SGCZ: variants seen among roughly 807,000 people sequenced by gnomAD.
SGCZ encodes sarcoglycan zeta.
A neutral mutation model predicts 41.3 loss-of-function variants in SGCZ; 40 were observed. The ratio of observed to expected loss-of-function variants is 0.97; its 90% CI spans 0.75 to 1.26. The LOEUF is 1.26. Among genes scored for constraint, SGCZ ranks in the 50% most tolerant of loss-of-function variants. SGCZ has a pLI of 0.00. For missense variants in SGCZ, 552 were observed against 369.8 expected (o/e 1.49, Z -4.04); for synonymous variants, 206 against 137.5 (o/e 1.50, Z -3.49).
At chr8:14,939,452 C>G (rs186235239) in intron 1 of SGCZ, among the ~76,000 whole-genome samples, 1 of 152,098 alleles carries the variant, frequency 6.6e-6, no homozygotes, top group Non-Finnish European at 1.5e-5. Context: ...TACTAAAACA[C>G]ACTCCCCAAA....
At chr8:14,290,202 G>C (rs1262022064) in intron 3 of SGCZ, among the ~76,000 whole-genome samples, 1 of 152,004 alleles carries the variant, frequency 6.6e-6, no homozygotes, top group Non-Finnish European at 1.5e-5. Context: ...ATGGATAAAA[G>C]CCTTAAACGT....
At chr8:14,457,452 G>C (rs1425011670) in intron 2 of SGCZ, among the ~76,000 whole-genome samples, 1 of 152,174 alleles carries the variant, frequency 6.6e-6, no homozygotes, top group Non-Finnish European at 1.5e-5. Context: ...CCCTTTCCCT[G>C]GGGGAGTTTA....
At chr8:14,764,355 G>C (rs1335740483) in intron 1 of SGCZ, among the ~76,000 whole-genome samples, 1 of 152,138 alleles carries the variant, frequency 6.6e-6, no homozygotes, top group East Asian at 1.9e-4. Context: ...CTTCTGAATT[G>C]CAAAAGGCAA....
intron 1 of SGCZ, among the ~76,000 whole-genome samples, chr8:14,891,495 G>C (rs1056462459): frequency 6.6e-6 from 1 of 152,102 alleles, no homozygotes; most frequent in South Asian, 2.1e-4. Context: ...TAAAACATTA[G>C]GATAATGAGT....
rs556319683 is a variant in SGCZ, at chr8:14,922,027, T to A, written c.39+315558A>T. 2.1e-3 allele frequency among the ~76,000 whole-genome samples: 320 copies of A among 152,248 alleles called. 4 individuals carry two copies. The highest frequency in any genetic ancestry group is 1.6e-3 in the Non-Finnish European group (111 of 68,012). ...CACTTTTTATTTATGTGAATACCCT[T>A]GATTTTATTTTCCTTACCATCAAAT... On this transcript the variant is annotated intron_variant, in intron 1 of 7. Coordinates refer to ENST00000382080, the MANE Select transcript of SGCZ (RefSeq NM_139167.4).
Position 14,287,515 on chromosome 8 carries a change from C to G in SGCZ, c.336+36588G>C, listed in dbSNP as rs184729262. Among the ~76,000 whole-genome samples, 594 of 152,082 alleles carry G rather than the reference C, an allele frequency of 3.9e-3. 4 individuals carry two copies. The highest frequency in any genetic ancestry group is 6.9e-3 in the Non-Finnish European group (468 of 67,942). ...TTAATGAGTTTGGTCTCTAACTCAG[C>G]AAACCTATTTCAAGATGTCTTTACT... On this transcript the variant is annotated intron_variant, in intron 3 of 7. Coordinates refer to ENST00000382080, the MANE Select transcript of SGCZ (RefSeq NM_139167.4).
intron 1 of SGCZ, among the ~76,000 whole-genome samples, chr8:14,860,808 A>G (rs936743516): frequency 6.6e-6 from 1 of 152,174 alleles, no homozygotes; most frequent in African/African-American, 2.4e-5. Context: ...ATGGGCTGTG[A>G]CCAACATAGT....
At chr8:15,024,162 A>G (rs1803361279) in intron 1 of SGCZ, among the ~76,000 whole-genome samples, 1 of 152,224 alleles carries the variant, frequency 6.6e-6, no homozygotes, top group Non-Finnish European at 1.5e-5. Flanking sequence ...AATGATTTCA[A>G]CTATGGACTT....
At chr8:14,182,685 A>C (rs1283877276) in intron 4 of SGCZ, among the ~76,000 whole-genome samples, 1 of 152,210 alleles carries the variant, frequency 6.6e-6, no homozygotes, top group Non-Finnish European at 1.5e-5. Context: ...ATCAGTGATG[A>C]CAAAAGTAGA....
intron 2 of SGCZ, among the ~76,000 whole-genome samples, chr8:14,329,627 G>A (rs951941152): frequency 2.6e-5 from 4 of 151,970 alleles, no homozygotes; most frequent in Admixed American, 1.3e-4. Flanking sequence ...TAGCCTCTGG[G>A]TATAGATCTG....
At chr8:14,294,800 TA>T (rs1800957079) in intron 3 of SGCZ, among the ~76,000 whole-genome samples, 2 of 152,024 alleles carry the variant, frequency 1.3e-5, no homozygotes, top group African/African-American at 2.4e-5. Flanking sequence ...AGATGTCACA[TA>T]AACATATGAA....
rs1468135047 is a variant in SGCZ at position 14,246,408 on chromosome 8, G to C, written c.337-8729C>G. Among the ~76,000 whole-genome samples the C allele has an allele frequency of 4.0e-5, 6 of 151,612 alleles. 1 individual carries two copies. The highest frequency in any genetic ancestry group is 2.0e-4 in the Admixed American group (3 of 15,210). On this transcript the variant is annotated intron_variant, in intron 3 of 7. Transcript: ENST00000382080. The stretch of plus-strand genomic sequence containing the variant: ...GGGAATTGAATAATCAGAACACATG[G>C]ACACAGGAAAGGGAACATGACACTC...
chr8:14,394,496 A>AACACTTTTT (rs1227224058), intron 2 of SGCZ, among the ~76,000 whole-genome samples: 4 of 152,120 alleles, frequency 2.6e-5, no homozygotes, highest in Non-Finnish European at 5.9e-5. Flanking sequence ...ACATCTAAGA[A>AACACTTTTT]ACACTTTTTA....
intron 4 of SGCZ, among the ~76,000 whole-genome samples, chr8:14,227,928 C>T (rs28415820): frequency 0.043 from 6,472 of 152,060 alleles, 232 homozygotes; most frequent in African/African-American, 0.099. Flanking sequence ...GTAATGGTTT[C>T]CCCCTAGCTT....
chr8:15,191,322 A>T (rs891511695), intron 1 of SGCZ, among the ~76,000 whole-genome samples: 1 of 152,046 alleles, frequency 6.6e-6, no homozygotes, highest in Non-Finnish European at 1.5e-5. Context: ...TTTTTTATTC[A>T]TTTCGTATTC....
chr8:14,129,764 A>G (rs543650463), intron 5 of SGCZ, among the ~76,000 whole-genome samples: 5 of 152,118 alleles, frequency 3.3e-5, no homozygotes, highest in Admixed American at 6.5e-5. Flanking sequence ...AATAATAGTT[A>G]GGAATAAATT....
intron 1 of SGCZ, among the ~76,000 whole-genome samples, chr8:14,852,549 C>T (rs1481416940): frequency 6.6e-6 from 1 of 152,124 alleles, no homozygotes; most frequent in African/African-American, 2.4e-5. Flanking sequence ...GTAACAAACA[C>T]CCTACCAACA....
chr8:14,442,873 C>T (rs906325977), intron 2 of SGCZ, among the ~76,000 whole-genome samples: 49 of 152,114 alleles, frequency 3.2e-4, no homozygotes, highest in African/African-American at 1.2e-3. Flanking sequence ...CTTAATGAAG[C>T]CTGTTTGCAG....
intron 1 of SGCZ, among the ~76,000 whole-genome samples, chr8:15,085,436 A>T (rs1008540761): frequency 1.3e-5 from 2 of 152,174 alleles, no homozygotes; most frequent in African/African-American, 2.4e-5. Context: ...TCAGGAAAAC[A>T]AAACAAAAAG....
Sources: allele counts gnomAD v4.1 joint callset (sites outside exome capture counted in the v4.1 genomes callset), GRCh38; gene constraint gnomAD v4.1.1; transcripts MANE v1.5; gene names NCBI Gene and HGNC (gene_info 2026-07-23, HGNC 2026-07-21).